The following PLCG2 variants were observed in gnomAD, a reference collection of about 807,000 sequenced individuals.
The protein encoded by PLCG2 is phospholipase C gamma 2, also known as 1-phosphatidylinositol 4,5-bisphosphate phosphodiesterase gamma-2.
A neutral mutation model predicts 175.6 loss-of-function variants in PLCG2; 69 were observed. The observed-to-expected ratio is 0.39, with a 90% CI of 0.32 to 0.48. PLCG2 has a LOEUF of 0.48. Ranked by LOEUF, PLCG2 falls within the 20% of genes least tolerant of loss-of-function variation. The pLI, the probability that PLCG2 is intolerant of heterozygous loss-of-function variation, is 0.91. For missense variants in PLCG2, 1,798 were observed against 1,650.9 expected (o/e 1.09, Z -1.54); for synonymous variants, 827 against 624.0 (o/e 1.33, Z -4.85).
At chr16:81,898,917 G>C (rs1909015109) in intron 13 of PLCG2, among the ~76,000 whole-genome samples, 1 of 152,186 alleles carries the variant, frequency 6.6e-6, no homozygotes, top group South Asian at 2.1e-4. Flanking sequence ...GGGCACAGTG[G>C]CTCACGCCTG....
chr16:81,793,285 T>A (rs972866131), intron 2 of PLCG2, among the ~76,000 whole-genome samples: 5 of 152,204 alleles, frequency 3.3e-5, no homozygotes, highest in Non-Finnish European at 7.3e-5. Context: ...CTGTTGGGCA[T>A]GTTGGTTTTC....
intron 1 of PLCG2, among the ~76,000 whole-genome samples, chr16:81,784,717 C>T (rs957652360): frequency 2.0e-5 from 3 of 152,138 alleles, no homozygotes; most frequent in Non-Finnish European, 4.4e-5. Flanking sequence ...TTGTTTAAGC[C>T]TTACAAAAAC....
rs917198355 is a variant in PLCG2, at chr16:81,958,598, C to G, written c.*600C>G. On this transcript the variant is annotated 3_prime_UTR_variant, in exon 33 of 33. Transcript: ENST00000564138. The stretch of plus-strand genomic sequence containing the variant: ...TGGGATCTGTTCATTAAGACAATTT[C>G]TAATTAATGGTGACAGCTTGTTTTG... The G allele has an allele frequency of 4.8e-5, 11 of 228,592 alleles. No individual in the cohort carries two copies. The highest frequency in any genetic ancestry group is 3.4e-4 in the Admixed American group (6 of 17,624). The allele number at this position is 228,592 out of a possible 1,614,324, so 14.2% of individuals were successfully genotyped here. A position where few individuals can be genotyped will look rare whatever the true frequency, so the allele number is the denominator to read the frequency against.
intron 2 of PLCG2, among the ~76,000 whole-genome samples, chr16:81,827,181 G>A (rs1014728693): frequency 5.0e-5 from 7 of 140,222 alleles, no homozygotes. Flanking sequence ...CATTATAGAG[G>A]ATTGCTGGGT....
At chr16:81,886,470 C>G (rs73596812) in intron 9 of PLCG2, among the ~76,000 whole-genome samples, 224 of 152,334 alleles carry the variant, frequency 1.5e-3, no homozygotes, top group African/African-American at 4.8e-3. Context: ...CAACTCGATT[C>G]TATATCTGGA....
chr16:81,837,998 G>A (rs954654900), intron 2 of PLCG2, among the ~76,000 whole-genome samples: 3 of 152,126 alleles, frequency 2.0e-5, no homozygotes, highest in African/African-American at 7.2e-5. Flanking sequence ...TGCCATCATA[G>A]TCAAGAGACT....
intron 30 of PLCG2, among the ~76,000 whole-genome samples, chr16:81,942,343 A>C (rs138112860): frequency 6.6e-6 from 1 of 152,214 alleles, no homozygotes; most frequent in South Asian, 2.1e-4. Flanking sequence ...ACAAAGGTCA[A>C]AACCTCAAGG....
chr16:81,874,948 G>GTGTTTTTT (rs1907695183), intron 7 of PLCG2, among the ~76,000 whole-genome samples: 1 of 40,770 alleles, frequency 2.5e-5, no homozygotes, highest in African/African-American at 7.8e-5. Context: ...TATCCTATGT[G>GTGTTTTTT]TTTTTTTTTT....
At chr16:81,876,505 C>G (rs1597368225) in intron 7 of PLCG2, among the ~76,000 whole-genome samples, 1 of 152,202 alleles carries the variant, frequency 6.6e-6, no homozygotes, top group African/African-American at 2.4e-5. Flanking sequence ...CTTCTGTGAC[C>G]CCCGCCTCTG....
rs766133588 is a variant in PLCG2, at chr16:81,895,860, C to G, written c.1126C>G (p.Arg376Gly). The G allele has an allele frequency of 2.5e-6, 4 of 1,613,920 alleles. No homozygotes were observed. The highest frequency in any genetic ancestry group is 3.4e-6 in the Non-Finnish European group (4 of 1,179,976). Residue 376 changes from arginine (R) to glycine (G), a missense_variant, in exon 13 of 33, where the codon CGG becomes GGG. Transcript: ENST00000564138. ...GCCGGTCATCTACCATGGCTGGACGCGGACTACCAAGATCAAGTTTGACGA... is the reference window on the plus strand; with the variant it reads ...GCCGGTCATCTACCATGGCTGGACGGGGACTACCAAGATCAAGTTTGACGA... Reference protein sequence around the residue: ...GKPVIYHGWTRTTKIKFDDVV... With the variant: ...GKPVIYHGWTGTTKIKFDDVV...
In PLCG2 at chr16:81,945,334, G is replaced by A. The variant is rs185948553; in HGVS notation, c.3482-841G>A. ...TATAAATGCTTTCAAGACAAACTAG[G>A]ACCACAGAAACCATCTCTGAGATAC... On this transcript the variant is annotated intron_variant, in intron 30 of 32. Transcript: ENST00000564138. Among the ~76,000 whole-genome samples the A allele has an allele frequency of 1.5e-3, 227 of 152,316 alleles. 2 individuals carry two copies. Among genetic ancestry groups the A allele is most frequent in the Middle Eastern group, 6.8e-3 (2 of 294 alleles).
At chr16:81,891,687 A>G in intron 11 of PLCG2, 97 bp downstream of exon 11, 1 of 742,156 alleles carries the variant, frequency 1.3e-6, no homozygotes, top group East Asian at 2.5e-5. Flanking sequence ...CCCTGTTGTG[A>G]AGCAGGTGGA....
intron 2 of PLCG2, among the ~76,000 whole-genome samples, chr16:81,846,066 C>G (rs531724700): frequency 6.6e-6 from 1 of 152,338 alleles, no homozygotes; most frequent in African/African-American, 2.4e-5. Flanking sequence ...CCCCACTCAG[C>G]TCCCATTACC....
chr16:81,907,555 A>G lies in PLCG2; in HGVS notation c.1468-130A>G, dbSNP rs41301803. The G allele has an allele frequency of 0.14, 75,890 of 560,490 alleles. 5,883 individuals are homozygous for G. Among genetic ancestry groups the G allele is most frequent in the African/African-American group, 0.16 (8,773 of 53,358 alleles). 34.7% of individuals were successfully genotyped at this position (560,490 alleles called of 1,614,324 possible). On this transcript the variant is annotated intron_variant, in intron 15 of 32. Transcript: ENST00000564138. ...AGGAATTGAATTCAGAGAATTCGCC[A>G]TAAATGTCTATGAAACTGGGAAAAG...
chr16:81,906,913 C>T (rs1027201331), intron 15 of PLCG2, among the ~76,000 whole-genome samples: 2 of 151,974 alleles, frequency 1.3e-5, no homozygotes, highest in Non-Finnish European at 2.9e-5. Context: ...TGGCACGTGC[C>T]TGTAGTCCCA....
intron 2 of PLCG2, among the ~76,000 whole-genome samples, chr16:81,847,149 G>A (rs1466702506): frequency 1.3e-5 from 2 of 152,148 alleles, no homozygotes; most frequent in African/African-American, 2.4e-5. Context: ...TGCTAGAATG[G>A]CTGACACAAC....
chr16:81,780,242 C>A (rs555763825), intron 1 of PLCG2, among the ~76,000 whole-genome samples: 2 of 152,228 alleles, frequency 1.3e-5, no homozygotes, highest in East Asian at 3.9e-4. Flanking sequence ...TCAGTGGGAC[C>A]CTGGGCAAGT....
chr16:81,842,426 T>C (rs1466807299), intron 2 of PLCG2, among the ~76,000 whole-genome samples: 1 of 152,220 alleles, frequency 6.6e-6, no homozygotes, highest in Non-Finnish European at 1.5e-5. Flanking sequence ...TGTGTCTGTC[T>C]CTGCAGTGTG....
At chr16:81,901,119 T>C (rs1334485510) in intron 14 of PLCG2, among the ~76,000 whole-genome samples, 3 of 152,230 alleles carry the variant, frequency 2.0e-5, no homozygotes, top group African/African-American at 7.2e-5. Flanking sequence ...AGTTCATTTG[T>C]TCATTGGTGA....
Sources: allele counts gnomAD v4.1 joint callset (sites outside exome capture counted in the v4.1 genomes callset), GRCh38; gene constraint gnomAD v4.1.1; transcripts MANE v1.5; gene names NCBI Gene and HGNC (gene_info 2026-07-23, HGNC 2026-07-21).